The following CDC73 variants were observed in gnomAD, a reference collection of about 807,000 sequenced individuals.
CDC73 encodes the protein parafibromin.
In CDC73, 21 loss-of-function variants were observed where a neutral mutation model predicts 83.7. The observed-to-expected ratio is 0.25, with a 90% CI of 0.18 to 0.36. CDC73 has a LOEUF of 0.36. Among genes scored for constraint, CDC73 ranks in the 10% least tolerant of loss-of-function variants. The pLI is 1.00. For missense variants in CDC73, 342 were observed against 653.3 expected (o/e 0.52, Z 5.19); for synonymous variants, 224 against 212.9 (o/e 1.05, Z -0.45).
chr1:193,229,904 G>A (rs902614305), intron 13 of CDC73, among the ~76,000 whole-genome samples: 1 of 152,148 alleles, frequency 6.6e-6, no homozygotes, highest in Non-Finnish European at 1.5e-5. Context: ...GAAGGGAATG[G>A]CATTTGACTG....
At chr1:193,234,460 A>G (rs560149299) in intron 14 of CDC73, among the ~76,000 whole-genome samples, 1 of 151,480 alleles carries the variant, frequency 6.6e-6, no homozygotes, top group African/African-American at 2.4e-5. Flanking sequence ...CAAGTAGGAA[A>G]GTTATATCAC....
intron 15 of CDC73, among the ~76,000 whole-genome samples, chr1:193,240,238 A>G (rs1327771973): frequency 2.0e-5 from 3 of 152,192 alleles, no homozygotes; most frequent in African/African-American, 2.4e-5. Context: ...CAGTGTGTAT[A>G]TATACTACAT....
At chr1:193,210,388 T>C (rs1243591992) in intron 11 of CDC73, among the ~76,000 whole-genome samples, 1 of 152,190 alleles carries the variant, frequency 6.6e-6, no homozygotes, top group African/African-American at 2.4e-5. Context: ...GAATTTTAAG[T>C]CTCCTAAATT....
intron 3 of CDC73, among the ~76,000 whole-genome samples, chr1:193,132,118 A>C (rs1217704112): frequency 6.6e-6 from 1 of 152,212 alleles, no homozygotes; most frequent in Non-Finnish European, 1.5e-5. Context: ...TAATACAACT[A>C]TTGGGTCTTA....
At chr1:193,246,638 C>G (rs2102070653) in intron 15 of CDC73, among the ~76,000 whole-genome samples, 1 of 152,168 alleles carries the variant, frequency 6.6e-6, no homozygotes, top group Admixed American at 6.5e-5. Flanking sequence ...TTCATCATTT[C>G]TTACCAAATT....
intron 7 of CDC73, among the ~76,000 whole-genome samples, chr1:193,143,108 A>G (rs1295430754): frequency 1.3e-5 from 2 of 152,204 alleles, no homozygotes; most frequent in Non-Finnish European, 2.9e-5. Context: ...CTATTTTAGT[A>G]GAAATAAAGC....
Position 193,172,848 on chromosome 1 carries a change from A to G in CDC73, c.972+20404A>G, listed in dbSNP as rs555504806. On this transcript the variant is annotated intron_variant, in intron 10 of 16. Coordinates refer to ENST00000367435, the MANE Select transcript of CDC73 (RefSeq NM_024529.5). The stretch of plus-strand genomic sequence containing the variant: ...TAAACCATTGCTGTATCTAATACCA[A>G]GATGTACCAGTTTGATCAAAGACTT... 9.6e-4 allele frequency among the ~76,000 whole-genome samples: 146 copies of G among 152,316 alleles called. 5 individuals carry two copies. The South Asian group carries it at 0.029, about 30-fold the overall frequency.
intron 10 of CDC73, among the ~76,000 whole-genome samples, chr1:193,190,113 A>G (rs543535239): frequency 1.3e-5 from 2 of 152,332 alleles, no homozygotes; most frequent in East Asian, 3.9e-4. Context: ...AATTTCAGCT[A>G]GGACTTACCA....
intron 10 of CDC73, among the ~76,000 whole-genome samples, chr1:193,159,182 T>C (rs1265035184): frequency 1.3e-5 from 2 of 152,180 alleles, no homozygotes; most frequent in African/African-American, 2.4e-5. Context: ...AGTCTTAATA[T>C]AAGGGAGATA....
intron 13 of CDC73, among the ~76,000 whole-genome samples, chr1:193,224,901 T>A (rs981654815): frequency 1.3e-5 from 2 of 152,172 alleles, no homozygotes; most frequent in Admixed American, 6.5e-5. Context: ...TAAAAAAAAA[T>A]TTATTTCCAC....
intron 10 of CDC73, among the ~76,000 whole-genome samples, chr1:193,200,450 A>G (rs568114482): frequency 6.6e-6 from 1 of 152,210 alleles, no homozygotes; most frequent in South Asian, 2.1e-4. Flanking sequence ...TGTAAACAGC[A>G]TACTTTGTTT....
chr1:193,234,813 G>A (rs1347565255), intron 14 of CDC73, among the ~76,000 whole-genome samples: 2 of 152,118 alleles, frequency 1.3e-5, no homozygotes, highest in Admixed American at 6.6e-5. Context: ...GTGCTGCATT[G>A]CCAAAGATGA....
chr1:193,178,541 A>C (rs1190456036), intron 10 of CDC73, among the ~76,000 whole-genome samples: 2 of 152,184 alleles, frequency 1.3e-5, no homozygotes, highest in African/African-American at 2.4e-5. Context: ...TTGAAGCATA[A>C]ATCAGCATTA....
chr1:193,159,190 A>T (rs1400561411), intron 10 of CDC73, among the ~76,000 whole-genome samples: 2 of 152,116 alleles, frequency 1.3e-5, no homozygotes, highest in Non-Finnish European at 2.9e-5. Flanking sequence ...TATAAGGGAG[A>T]TAAAAGAGAG....
In CDC73 at chr1:193,203,839, A is replaced by G. The variant is rs747162741; in HGVS notation, c.1017A>G (p.Pro339=). The change falls in exon 11 of 17, where the codon CCA becomes CCG. Residue 339 remains proline (P), a synonymous_variant. Coordinates refer to ENST00000367435, the MANE Select transcript of CDC73 (RefSeq NM_024529.5). ...ARKTQTPAAQ[P]VPRPVSQARP... is the part of the protein sequence containing the mutation. ...AGACTCAGACTCCTGCAGCCCAGCC[A>G]GTACCAAGACCAGGTAGAAATATAG... 2.5e-6 allele frequency: 4 copies of G among 1,613,764 alleles called. No individual in the cohort carries two copies. The highest frequency in any genetic ancestry group is 1.1e-5 in the South Asian group (1 of 91,070).
chr1:193,214,928 C>A (rs780047680), intron 13 of CDC73, among the ~76,000 whole-genome samples: 1 of 152,146 alleles, frequency 6.6e-6, no homozygotes, highest in Non-Finnish European at 1.5e-5. Flanking sequence ...CAACTAACAT[C>A]TACAGAGCAA....
At chr1:193,182,110 C>CT in intron 10 of CDC73, among the ~76,000 whole-genome samples, 1 of 152,136 alleles carries the variant, frequency 6.6e-6, no homozygotes, top group African/African-American at 2.4e-5. Flanking sequence ...AGTCAGAGGC[C>CT]TTTTTTGTAA....
chr1:193,180,723 A>C (rs1676700202), intron 10 of CDC73: 15 of 1,614,056 alleles, frequency 9.3e-6, no homozygotes, highest in Non-Finnish European at 7.6e-6. Flanking sequence ...GCATTAGGTA[A>C]CCAGTGAAAT....
intron 3 of CDC73, among the ~76,000 whole-genome samples, chr1:193,132,895 ATTTTTTTTTTT>A (rs781435930): frequency 1.8e-5 from 2 of 113,196 alleles, no homozygotes; most frequent in East Asian, 6.6e-4. Flanking sequence ...TTTCCTGTAG[ATTTTTTTTTTT>A]TTTTTTTTTT....
Sources: gnomAD v4.1 joint callset for allele counts (sites outside exome capture counted in the v4.1 genomes callset) on GRCh38, gnomAD v4.1.1 for gene constraint, MANE v1.5 for transcripts, NCBI Gene and HGNC (gene_info 2026-07-23, HGNC 2026-07-21) for gene names.